The following TBC1D30 variants were observed in gnomAD, a reference collection of about 807,000 sequenced individuals.
The protein encoded by TBC1D30 is TBC1 domain family, member 30.
Under a neutral mutation model 63.2 loss-of-function variants are expected in TBC1D30, and 31 were observed. That is an observed-to-expected ratio of 0.49 (90% CI 0.37 to 0.66). The LOEUF (loss-of-function observed/expected upper bound fraction) is 0.66. Ranked by LOEUF, TBC1D30 falls within the 30% of genes least tolerant of loss-of-function variation. TBC1D30 has a pLI of 0.00. For missense variants in TBC1D30, 810 were observed against 953.6 expected (o/e 0.85, Z 1.98); for synonymous variants, 307 against 361.5 (o/e 0.85, Z 1.71).
chr12:64,766,346 C>G (rs965539805), intron 1 of TBC1D30, among the ~76,000 whole-genome samples: 2 of 150,756 alleles, frequency 1.3e-5, no homozygotes, highest in Non-Finnish European at 2.9e-5. Context: ...GAACCCCATG[C>G]AGAAAAAACA....
chr12:64,830,241 A>G lies in TBC1D30; in HGVS notation c.283-136A>G, dbSNP rs1371035350. ...AAACATTTCAGTGAGACTCTTGTAG[A>G]TTTCTACTTATGAGCGATAGATAGC... On this transcript the variant is annotated intron_variant, in intron 3 of 11. Transcript: ENST00000539867. The G allele has an allele frequency of 1.9e-5, 15 of 798,070 alleles. 1 individual carries two copies. Among genetic ancestry groups the G allele is most frequent in the Non-Finnish European group, 2.7e-5 (15 of 545,530 alleles). The allele number at this position is 798,070 out of a possible 1,614,324, so 49.4% of individuals were successfully genotyped here. A position where few individuals can be genotyped will look rare whatever the true frequency, so the allele number is the denominator to read the frequency against.
rs936136046 is a variant in TBC1D30 at position 64,784,725 on chromosome 12, A to G, written c.479-1156A>G. On this transcript the variant is annotated intron_variant, in intron 1 of 12. Coordinates refer to the TBC1D30 transcript ENST00000542120. The stretch of plus-strand genomic sequence containing the variant: ...AAAAACTGCTGTTAAGGGGAGGGAG[A>G]GCATTAGAACAAATACCTAATGCAT... Among the ~76,000 whole-genome samples, 6 of 152,046 alleles carry G rather than the reference A, an allele frequency of 3.9e-5. No individual in the cohort carries two copies. The East Asian group carries it at 7.7e-4, about 20-fold the overall frequency.
Position 64,876,597 on chromosome 12 carries a change from T to C in TBC1D30, c.*809T>C. 2 of 352,766 alleles carry C rather than the reference T, an allele frequency of 5.7e-6. No individual in the cohort carries two copies. Among genetic ancestry groups the C allele is most frequent in the Non-Finnish European group, 1.1e-5 (2 of 177,904 alleles). 21.9% of individuals were successfully genotyped at this position (352,766 alleles called of 1,614,324 possible). A position where few individuals can be genotyped will look rare whatever the true frequency, so the allele number is the denominator to read the frequency against. On this transcript the variant is annotated 3_prime_UTR_variant, in exon 12 of 12. Transcript: ENST00000539867. ...CAGTGGTACGGATGACTTGATGGGC[T>C]CCATGCGGAGCCTGGCCTGCATCCC... is the stretch of plus-strand genomic sequence containing the variant.
At chr12:64,771,753 A>G (rs1345670336) in intron 1 of TBC1D30, among the ~76,000 whole-genome samples, 2 of 152,218 alleles carry the variant, frequency 1.3e-5, no homozygotes, top group South Asian at 2.1e-4. Flanking sequence ...TAAAAAAACA[A>G]CAACATAGTA....
intron 7 of TBC1D30, among the ~76,000 whole-genome samples, chr12:64,840,027 A>AAC (rs1555171793): frequency 2.7e-5 from 4 of 145,898 alleles, no homozygotes; most frequent in African/African-American, 1.0e-4. Context: ...AAAAAAAAAA[A>AAC]ATCCACCAAC....
At chr12:64,862,012 T>G (rs1384798744) in intron 8 of TBC1D30, among the ~76,000 whole-genome samples, 1 of 152,188 alleles carries the variant, frequency 6.6e-6, no homozygotes, top group Admixed American at 6.5e-5. Context: ...TAACTGAAAG[T>G]GCTTAAGTTG....
upstream of TBC1D30, chr12:64,824,592 GCGCTCGCT>G (rs58764736): frequency 2.8e-5 from 9 of 323,074 alleles, no homozygotes; most frequent in South Asian, 3.8e-4. Context: ...CGTCTCCCAC[GCGCTCGCT>G]CGCTCGCTCG....
upstream of TBC1D30, among the ~76,000 whole-genome samples, chr12:64,821,677 C>T (rs1489973005): frequency 1.3e-5 from 2 of 152,244 alleles, no homozygotes; most frequent in Non-Finnish European, 2.9e-5. Context: ...CATCAGACCT[C>T]TTCCTATGGC....
intron 2 of TBC1D30, among the ~76,000 whole-genome samples, chr12:64,801,013 G>A (rs78985826): frequency 0.034 from 5,236 of 152,164 alleles, 113 homozygotes; most frequent in Non-Finnish European, 0.051. Context: ...TGTGCTCCTC[G>A]TACAGAGCTG....
intron 2 of TBC1D30, among the ~76,000 whole-genome samples, chr12:64,800,250 T>A (rs1197147714): frequency 1.3e-5 from 2 of 152,168 alleles, no homozygotes; most frequent in Non-Finnish European, 2.9e-5. Context: ...AATCAACAAT[T>A]GCTAGATACA....
At chr12:64,763,585 A>G (rs913109929) in intron 1 of TBC1D30, among the ~76,000 whole-genome samples, 2 of 148,156 alleles carry the variant, frequency 1.3e-5, no homozygotes, top group Admixed American at 6.7e-5. Flanking sequence ...ATTCATCTTT[A>G]TCACTTTGGT....
At chr12:64,800,744 G>A (rs1292211105) in intron 2 of TBC1D30, among the ~76,000 whole-genome samples, 2 of 152,082 alleles carry the variant, frequency 1.3e-5, no homozygotes, top group Non-Finnish European at 2.9e-5. Flanking sequence ...CTAGAGGCAG[G>A]GTCTCAGGGA....
intron 2 of TBC1D30, among the ~76,000 whole-genome samples, chr12:64,800,129 G>A (rs1303131930): frequency 6.6e-6 from 1 of 152,016 alleles, no homozygotes; most frequent in African/African-American, 2.4e-5. Context: ...CAAAACAAAA[G>A]CCTGATAGAA....
chr12:64,821,162 G>C (rs1873863283), upstream of TBC1D30, among the ~76,000 whole-genome samples: 1 of 152,254 alleles, frequency 6.6e-6, no homozygotes, highest in African/African-American at 2.4e-5. Context: ...AGCTTTGGCA[G>C]TCTGGAAATT....
chr12:64,759,838 G>A (rs914053361), intron 1 of TBC1D30, among the ~76,000 whole-genome samples: 1 of 152,208 alleles, frequency 6.6e-6, no homozygotes, highest in Non-Finnish European at 1.5e-5. Flanking sequence ...AGCTGGTGAG[G>A]AAAGTGGACT....
At chr12:64,761,673 G>T (rs1870518798) in intron 1 of TBC1D30, among the ~76,000 whole-genome samples, 1 of 152,214 alleles carries the variant, frequency 6.6e-6, no homozygotes, top group African/African-American at 2.4e-5. Flanking sequence ...GTCTAAAAAG[G>T]GGAGGCATGA....
Position 64,880,143 on chromosome 12 carries a change from G to A in TBC1D30, c.*4355G>A, listed in dbSNP as rs1879366391. On this transcript the variant is annotated 3_prime_UTR_variant, in exon 12 of 12. Coordinates refer to ENST00000539867, the MANE Select transcript of TBC1D30 (RefSeq NM_015279.2). ...TAAAGTCAGCAAGTCTACAGTCATA[G>A]AGCCACCAGGATACAGTGATGGATG... 1 of 152,270 alleles carries A rather than the reference G, an allele frequency of 6.6e-6. No individual in the cohort carries two copies. Among genetic ancestry groups the A allele is most frequent in the South Asian group, 2.1e-4 (1 of 4,832 alleles). 9.4% of individuals were successfully genotyped at this position (152,270 alleles called of 1,614,324 possible). A position where few individuals can be genotyped will look rare whatever the true frequency, so the allele number is the denominator to read the frequency against.
chr12:64,825,986 A>G (rs980288246), intron 1 of TBC1D30, among the ~76,000 whole-genome samples: 3 of 151,962 alleles, frequency 2.0e-5, no homozygotes, highest in Admixed American at 6.5e-5. Flanking sequence ...GCCTTTCCCA[A>G]CCTCGTGGTT....
chr12:64,857,795 G>T (rs946348380), intron 8 of TBC1D30, among the ~76,000 whole-genome samples: 2 of 152,214 alleles, frequency 1.3e-5, no homozygotes, highest in Non-Finnish European at 2.9e-5. Context: ...ATTCCCCACT[G>T]GCTAGGTCTG....
Sources: allele counts gnomAD v4.1 joint callset (sites outside exome capture counted in the v4.1 genomes callset), GRCh38; gene constraint gnomAD v4.1.1; transcripts MANE v1.5; gene names NCBI Gene and HGNC (gene_info 2026-07-23, HGNC 2026-07-21).